SPO11: variants seen among roughly 807,000 people sequenced by gnomAD.
SPO11 encodes the protein SPO11 initiator of meiotic double strand breaks, also known as meiotic recombination protein SPO11.
Under a neutral mutation model 51.6 loss-of-function variants are expected in SPO11, and 49 were observed. The ratio of observed to expected loss-of-function variants is 0.95; its 90% CI spans 0.75 to 1.20. The LOEUF (loss-of-function observed/expected upper bound fraction) is 1.20, where lower values mean the gene tolerates loss of function less well. Ranked by LOEUF, SPO11 falls within the 50% of genes most tolerant of loss-of-function variation. The pLI is 0.00. For synonymous variants in SPO11, 176 were observed against 158.2 expected, an observed-to-expected ratio of 1.11 and a Z score of -0.84; for missense variants, 431 against 473.4, an observed-to-expected ratio of 0.91 and a Z score of 0.83.
In SPO11 at chr20:57,338,990, C is replaced by A; in HGVS notation, c.846C>A (p.Gly282=). The part of the protein sequence containing the change: ...VFTLVDADPH[G]IEIMCIYKYG... ...TTATAGTTAACTTTCTTTTAACAGG[C>A]ATAGAAATAATGTGCATCTATAAGT... is the stretch of plus-strand genomic sequence containing the variant. Residue 282 remains glycine, a splice_region_variant and synonymous_variant, in exon 10 of 13, where the codon GGC becomes GGA. Coordinates refer to ENST00000371263, the MANE Select transcript of SPO11 (RefSeq NM_012444.3). 1.3e-6 allele frequency: 2 copies of A among 1,488,666 alleles called. No homozygotes were observed. Among genetic ancestry groups the A allele is most frequent in the Non-Finnish European group, 9.1e-7 (1 of 1,092,988 alleles). The allele number at this position is 1,488,666 out of a possible 1,614,324, so 92.2% of individuals were successfully genotyped here. A position where few individuals can be genotyped will look rare whatever the true frequency, so the allele number is the denominator to read the frequency against.
Position 57,343,486 on chromosome 20 carries a change from G to T in SPO11, c.*26G>T. The T allele has an allele frequency of 6.4e-7, 1 of 1,574,072 alleles. No individual in the cohort carries two copies. ...AAATAAATCAGAAGAACTTCTGATTGCCAGAGGCTTTTCATTAGTTTTGTT... is the reference window on the plus strand; with the variant it reads ...AAATAAATCAGAAGAACTTCTGATTTCCAGAGGCTTTTCATTAGTTTTGTT... On this transcript the variant is annotated 3_prime_UTR_variant, in exon 13 of 13. Transcript: ENST00000371263.
chr20:57,334,684 G>T (rs1403224667), intron 5 of SPO11, 66 bp from the exon 6 acceptor site: 27 of 1,271,388 alleles, frequency 2.1e-5, no homozygotes, highest in Non-Finnish European at 2.8e-5. Context: ...TGAACACAAG[G>T]AGTGACTTAA....
At chr20:57,336,774 C>T (rs1306658626) in intron 8 of SPO11, among the ~76,000 whole-genome samples, 1 of 152,174 alleles carries the variant, frequency 6.6e-6, no homozygotes, top group Admixed American at 6.5e-5. Context: ...TGAAAATACA[C>T]TAAATACTCA....
In SPO11 at chr20:57,331,962, T is replaced by C. The variant is rs1183209663; in HGVS notation, c.245+16T>C. On this transcript the variant is annotated intron_variant, in intron 2 of 12. Coordinates refer to ENST00000371263, the MANE Select transcript of SPO11 (RefSeq NM_012444.3). ...AAAACATAAAGTGGGCATTTTGCAT[T>C]TTTATTTTTTAAATGCAATATCTAT... is the stretch of plus-strand genomic sequence containing the variant. The C allele has an allele frequency of 6.9e-7, 1 of 1,440,046 alleles. No homozygotes were observed. Among genetic ancestry groups the C allele is most frequent in the Admixed American group, 2.0e-5 (1 of 50,532 alleles). The allele number at this position is 1,440,046 out of a possible 1,614,324, so 89.2% of individuals were successfully genotyped here.
rs2066424400 is a variant in SPO11 at position 57,329,983 on chromosome 20, GCCGCCTGGCCT to G, written c.119_129del (p.Arg40GlnfsTer3). ...GGCAGGGAGCCCCCAACTGGGGGAA[GCCGCCTGGCCT>G]CCAGGTACAGGAGCTGGTGCCGAGG... On this transcript the variant is annotated frameshift_variant, in exon 1 of 13. Transcript: ENST00000371263. LOFTEE classifies it high-confidence loss of function. 6.2e-7 allele frequency: 1 copy of G among 1,603,062 alleles called. No homozygotes were observed. The highest frequency in any genetic ancestry group is 2.2e-5 in the East Asian group (1 of 44,628).
chr20:57,336,176 A>G (rs2066510843), intron 8 of SPO11, among the ~76,000 whole-genome samples: 1 of 152,072 alleles, frequency 6.6e-6, no homozygotes, highest in South Asian at 2.1e-4. Context: ...TGTAACCTTG[A>G]TAAGTTCATG....
rs747800414 is a variant in SPO11 at position 57,333,252 on chromosome 20, T to G, written c.310T>G (p.Ser104Ala). The G allele has an allele frequency of 1.5e-5, 24 of 1,607,870 alleles. 1 individual carries two copies. The South Asian group carries it at 2.6e-4, about 17-fold the overall frequency. ...CACCACCAGAAAGATCAAAAGTGAT[T>G]CACCAAAATCAGCTCAAAAATTTTG... ...HCTTRKIKSD[S>A]PKSAQKFSLI... The change falls in exon 3 of 13, where the codon TCA (serine) becomes GCA (alanine). Residue 104 changes from serine (S) to alanine (A), a missense_variant. Transcript: ENST00000371263.
chr20:57,343,607 TCAAAA>T lies in SPO11; in HGVS notation c.*152_*156del. On this transcript the variant is annotated 3_prime_UTR_variant, in exon 13 of 13. Coordinates refer to ENST00000371263, the MANE Select transcript of SPO11 (RefSeq NM_012444.3). ...ACTTTCCGTTAATTATATATTTTTG[TCAAAA>T]CAAATGCTGTACTCCAATTTTCTTT... The T allele has an allele frequency of 1.1e-6, 1 of 937,902 alleles. No individual in the cohort carries two copies. Among genetic ancestry groups the T allele is most frequent in the Non-Finnish European group, 1.5e-6 (1 of 673,746 alleles). The allele number at this position is 937,902 out of a possible 1,614,324, so 58.1% of individuals were successfully genotyped here. A position where few individuals can be genotyped will look rare whatever the true frequency, so the allele number is the denominator to read the frequency against.
At position 57,343,284 on chromosome 20, in the gene SPO11, A is replaced by C; in HGVS notation, c.1072-57A>C. On this transcript the variant is annotated intron_variant, in intron 12 of 12. Transcript: ENST00000371263. Reference sequence around the variant, plus strand: ...CAATTCTAGATTACTAGTTTGTTGAATTGACAGAAATGCAACTAAGAACTC... The same window carrying C: ...CAATTCTAGATTACTAGTTTGTTGACTTGACAGAAATGCAACTAAGAACTC... The C allele has an allele frequency of 2.5e-6, 4 of 1,588,042 alleles. No homozygotes were observed. The South Asian group carries it at 4.6e-5, about 18-fold the overall frequency.
At chr20:57,331,744 T>C in intron 1 of SPO11, 89 bp from the exon 2 acceptor site, 1 of 613,098 alleles carries the variant, frequency 1.6e-6, no homozygotes, top group Non-Finnish European at 2.7e-6. Flanking sequence ...AAATAAAAAG[T>C]TACTTTAGTA....
rs770688545 is a variant in SPO11 at position 57,335,875 on chromosome 20, T to C, written c.712T>C (p.Cys238Arg). The C allele has an allele frequency of 6.2e-6, 10 of 1,612,038 alleles. No individual in the cohort carries two copies. The East Asian group carries it at 1.8e-4, about 29-fold the overall frequency. The change falls in exon 8 of 13, where the codon TGC becomes CGC. Residue 238 changes from cysteine to arginine, a missense_variant. By Grantham distance (180) the Cys-to-Arg change is radical. Around this residue, in one of 3 missense-constraint regions of SPO11, gnomAD observed 405 missense variants for 425.9 expected, o/e 0.95. Coordinates refer to ENST00000371263, the MANE Select transcript of SPO11 (RefSeq NM_012444.3). The stretch of plus-strand genomic sequence containing the variant: ...TCAGCGGCTCCTAGATGACAACTTT[T>C]GCAACAAATTGTCTCCTTGCATCAT... ...TFQRLLDDNF[C>R]NKLSPCIMIT...
intron 8 of SPO11, among the ~76,000 whole-genome samples, chr20:57,337,528 G>A (rs994914157): frequency 3.9e-5 from 6 of 152,194 alleles, no homozygotes; most frequent in African/African-American, 1.4e-4. Context: ...GCTGTACTAT[G>A]CTGCCTCTCC....
chr20:57,334,585 C>G (rs1423235532), intron 5 of SPO11, among the ~76,000 whole-genome samples, 165 bp from the exon 6 acceptor site: 1 of 152,076 alleles, frequency 6.6e-6, no homozygotes, highest in Non-Finnish European at 1.5e-5. Context: ...GATGAATTAC[C>G]AAATATTTTT....
chr20:57,341,783 T>C (rs1261997632), intron 11 of SPO11, among the ~76,000 whole-genome samples: 2 of 152,240 alleles, frequency 1.3e-5, no homozygotes, highest in African/African-American at 4.8e-5. Flanking sequence ...TCAAGACATA[T>C]GATCTGATAA....
intron 3 of SPO11, 62 bp downstream of exon 3, chr20:57,333,338 TTTTA>T (rs2066472037): frequency 8.5e-7 from 1 of 1,177,488 alleles, no homozygotes; most frequent in African/African-American, 1.5e-5. Context: ...ATCTTCTCAA[TTTTA>T]TTTGTTGCTA....
rs2066500080 is a variant in SPO11, at chr20:57,335,424, T to G, written c.603T>G (p.Val201=). Residue 201 remains valine (V), a synonymous_variant, in exon 7 of 13, where the codon GTT becomes GTG. Coordinates refer to ENST00000371263, the MANE Select transcript of SPO11 (RefSeq NM_012444.3). ...KVNCTCGATA[V]AVPSNIQGIR... ...AAAAACTTTTTTTTTAAAAGGCTGT[T>G]GCTGTGCCATCGAATATTCAAGGAA... The G allele has an allele frequency of 2.5e-6, 4 of 1,610,584 alleles. No individual in the cohort carries two copies. Among genetic ancestry groups the G allele is most frequent in the Non-Finnish European group, 3.4e-6 (4 of 1,178,950 alleles).
intron 9 of SPO11, 46 bp downstream of exon 9, chr20:57,338,421 A>G (rs2066539621): frequency 1.5e-6 from 2 of 1,323,354 alleles, no homozygotes; most frequent in South Asian, 2.5e-5. Context: ...TAACTAAATC[A>G]TATTTGTTGT....
chr20:57,341,657 T>C (rs758104613), intron 11 of SPO11, among the ~76,000 whole-genome samples: 7 of 152,248 alleles, frequency 4.6e-5, no homozygotes, highest in African/African-American at 1.4e-4. Flanking sequence ...CATTTCATTC[T>C]TTATTTTTGA....
At position 57,333,951 on chromosome 20, in the gene SPO11, T is replaced by C. The variant is rs370535430; in HGVS notation, c.402-36T>C. The C allele has an allele frequency of 2.0e-4, 244 of 1,244,248 alleles. 3 individuals are homozygous for C. The South Asian group carries it at 2.8e-3, about 14-fold the overall frequency. The allele number at this position is 1,244,248 out of a possible 1,614,324, so 77.1% of individuals were successfully genotyped here. A position where few individuals can be genotyped will look rare whatever the true frequency, so the allele number is the denominator to read the frequency against. On this transcript the variant is annotated intron_variant, in intron 4 of 12. Transcript: ENST00000371263. ...ATACTTGTCATATTCAAAAAGAATA[T>C]AGTTAATTAAAAATATGTATTTTAA... is the stretch of plus-strand genomic sequence containing the variant.
Sources: allele counts gnomAD v4.1 joint callset (sites outside exome capture counted in the v4.1 genomes callset), GRCh38; gene constraint gnomAD v4.1.1; regional missense constraint gnomAD v4.1.1; transcripts MANE v1.5; gene names NCBI Gene and HGNC (gene_info 2026-07-23, HGNC 2026-07-21).